The following CTNNA3 variants were observed in gnomAD, a reference collection of about 807,000 sequenced individuals.
The protein encoded by CTNNA3 is catenin alpha 3.
In CTNNA3, 76 loss-of-function variants were observed where a neutral mutation model predicts 95.7. That is an observed-to-expected ratio of 0.79 (90% CI 0.66 to 0.96). CTNNA3 has a LOEUF of 0.96. Among genes scored for constraint, CTNNA3 ranks in the 40% least tolerant of loss-of-function variants. The pLI is 0.00. For synonymous variants in CTNNA3, 431 were observed against 374.4 expected (o/e 1.15, Z -1.74); for missense variants, 1,191 against 1,089.8 (o/e 1.09, Z -1.31).
intron 6 of CTNNA3, among the ~76,000 whole-genome samples, chr10:67,201,441 T>TGTCTC: frequency 1.3e-5 from 2 of 152,226 alleles, no homozygotes; most frequent in South Asian, 4.1e-4. Context: ...GGCAGGCACC[T>TGTCTC]TATGTCTATT....
At chr10:66,517,220 CA>C (rs1376918814) in intron 11 of CTNNA3, among the ~76,000 whole-genome samples, 29 of 151,314 alleles carry the variant, frequency 1.9e-4, no homozygotes, top group Non-Finnish European at 7.4e-5. Flanking sequence ...GACTCTGTCT[CA>C]AAATAAATAA....
At chr10:66,419,518 T>C (rs2093174310) in intron 11 of CTNNA3, among the ~76,000 whole-genome samples, 1 of 152,168 alleles carries the variant, frequency 6.6e-6, no homozygotes. Flanking sequence ...AATGCCATTT[T>C]TCACAGAATA....
chr10:66,932,180 G>A (rs1257348637), intron 7 of CTNNA3, among the ~76,000 whole-genome samples: 1 of 152,162 alleles, frequency 6.6e-6, no homozygotes, highest in African/African-American at 2.4e-5. Flanking sequence ...AGTCTAAGAG[G>A]TGATGATTCA....
At chr10:66,978,067 TACACACAC>T (rs3056586) in intron 7 of CTNNA3, among the ~76,000 whole-genome samples, 33,599 of 113,856 alleles carry the variant, frequency 0.3, 4,200 homozygotes, top group South Asian at 0.42. Context: ...TATATATATA[TACACACAC>T]ACACACACAC....
intron 6 of CTNNA3, among the ~76,000 whole-genome samples, chr10:67,211,345 C>T (rs941255433): frequency 2.6e-5 from 4 of 151,404 alleles, no homozygotes; most frequent in African/African-American, 4.9e-5. Flanking sequence ...TAACAGCAAA[C>T]CTTGAACACG....
chr10:65,984,944 C>A (rs1589216452), intron 16 of CTNNA3, among the ~76,000 whole-genome samples: 1 of 150,804 alleles, frequency 6.6e-6, no homozygotes, highest in African/African-American at 2.4e-5. Flanking sequence ...GAAATTTTGA[C>A]TTATTTAGGA....
At chr10:67,446,471 A>T (rs1313403400) in intron 5 of CTNNA3, among the ~76,000 whole-genome samples, 1 of 152,164 alleles carries the variant, frequency 6.6e-6, no homozygotes. Context: ...ACTGTTCATA[A>T]GGTCTGTTTC....
At chr10:67,638,120 T>C (rs1486970032) in intron 2 of CTNNA3, among the ~76,000 whole-genome samples, 3 of 151,964 alleles carry the variant, frequency 2.0e-5, no homozygotes, top group African/African-American at 7.3e-5. Context: ...AGGAAACCCA[T>C]CTCACGTGCA....
chr10:65,965,393 C>CTT lies in CTNNA3; in HGVS notation c.2400+1217_2400+1218dup, dbSNP rs561552884. On this transcript the variant is annotated intron_variant, in intron 17 of 17. Transcript: ENST00000433211. ...GTCACTATTTGTTTCCTCCCCTCTA[C>CTT]TTTTTTTTTTTTTTTTTTTTTTTTT... 2.9e-3 allele frequency among the ~76,000 whole-genome samples: 228 copies of CTT among 77,676 alleles called. 37 individuals are homozygous for CTT. The highest frequency in any genetic ancestry group is 5.7e-3 in the African/African-American group (109 of 19,056). 51.0% of individuals were successfully genotyped at this position (77,676 alleles called of 152,430 possible). A position where few individuals can be genotyped will look rare whatever the true frequency, so the allele number is the denominator to read the frequency against.
At chr10:66,891,979 T>G (rs1029020974) in intron 7 of CTNNA3, among the ~76,000 whole-genome samples, 1 of 152,156 alleles carries the variant, frequency 6.6e-6, no homozygotes, top group African/African-American at 2.4e-5. Flanking sequence ...CATGTAACCT[T>G]GTGCAAATCA....
At chr10:66,115,620 T>TAGAGAG (rs1178432626) in intron 13 of CTNNA3, among the ~76,000 whole-genome samples, 1 of 150,914 alleles carries the variant, frequency 6.6e-6, no homozygotes, top group Non-Finnish European at 1.5e-5. Flanking sequence ...GAGATAGAGA[T>TAGAGAG]AGAGATAGAG....
intron 6 of CTNNA3, among the ~76,000 whole-genome samples, chr10:67,212,759 T>G (rs1301534010): frequency 2.0e-5 from 3 of 151,964 alleles, no homozygotes; most frequent in African/African-American, 7.2e-5. Context: ...GTAAATGTTC[T>G]AATGTTGAAC....
chr10:66,318,390 TC>T (rs1288604319), intron 12 of CTNNA3, among the ~76,000 whole-genome samples: 2 of 151,872 alleles, frequency 1.3e-5, no homozygotes, highest in Non-Finnish European at 2.9e-5. Context: ...AATAGTAATC[TC>T]TCCACCTATG....
intron 7 of CTNNA3, among the ~76,000 whole-genome samples, chr10:66,980,715 AC>A (rs1850378438): frequency 6.6e-6 from 1 of 152,056 alleles, no homozygotes; most frequent in Non-Finnish European, 1.5e-5. Flanking sequence ...ACCCTCCAAC[AC>A]TTTTCTCCAA....
chr10:67,133,305 TG>T (rs1426312238), intron 7 of CTNNA3, among the ~76,000 whole-genome samples: 9 of 53,214 alleles, frequency 1.7e-4, no homozygotes, highest in African/African-American at 1.1e-3. Context: ...GCATATTGCC[TG>T]ATATATATAT....
chr10:66,701,573 AT>A (rs1459376849), intron 9 of CTNNA3, among the ~76,000 whole-genome samples: 1 of 152,204 alleles, frequency 6.6e-6, no homozygotes, highest in East Asian at 1.9e-4. Context: ...AGTCTTGTTA[AT>A]TTTTTATAGA....
chr10:66,279,790 A>G (rs1049129686), intron 13 of CTNNA3, among the ~76,000 whole-genome samples: 3 of 152,074 alleles, frequency 2.0e-5, no homozygotes, highest in African/African-American at 7.2e-5. Context: ...GTATCTCCAT[A>G]TCTTTACATA....
intron 1 of CTNNA3, among the ~76,000 whole-genome samples, chr10:67,712,614 G>A (rs1841118285): frequency 6.6e-6 from 1 of 152,344 alleles, no homozygotes; most frequent in African/African-American, 2.4e-5. Flanking sequence ...GCTTCCACAT[G>A]GTGTTGAGCC....
intron 5 of CTNNA3, among the ~76,000 whole-genome samples, chr10:67,450,239 G>A (rs990599784): frequency 1.6e-4 from 25 of 152,196 alleles, no homozygotes; most frequent in Non-Finnish European, 2.8e-4. Context: ...GCAGTGTGGC[G>A]ATTCCTCAAA....
Sources: gnomAD v4.1 joint callset for allele counts (sites outside exome capture counted in the v4.1 genomes callset) on GRCh38, gnomAD v4.1.1 for gene constraint, MANE v1.5 for transcripts, NCBI Gene and HGNC (gene_info 2026-07-23, HGNC 2026-07-21) for gene names.